The following TNFRSF10D variants were observed in gnomAD, a reference collection of about 807,000 sequenced individuals.
The protein encoded by TNFRSF10D is TNF receptor superfamily member 10d.
TNFRSF10D carries 28 observed loss-of-function variants against 42.1 expected under a neutral mutation model. The observed-to-expected ratio is 0.66, with a 90% CI of 0.49 to 0.91. TNFRSF10D has a LOEUF of 0.91. TNFRSF10D is among the 40% of genes least tolerant of loss of function. TNFRSF10D has a pLI of 0.00. For missense variants in TNFRSF10D, 503 were observed against 486.1 expected (o/e 1.03, Z -0.33); for synonymous variants, 186 against 189.4 (o/e 0.98, Z 0.15).
chr8:23,145,539 G>T, intron 5 of TNFRSF10D, 129 bp downstream of exon 5: 2 of 1,412,334 alleles, frequency 1.4e-6, no homozygotes, highest in East Asian at 2.4e-5. Flanking sequence ...GCGATCACAA[G>T]AAGGAAGACC....
At chr8:23,154,650 G>A (rs182856119) in intron 2 of TNFRSF10D, among the ~76,000 whole-genome samples, 1 of 152,062 alleles carries the variant, frequency 6.6e-6, no homozygotes, top group Non-Finnish European at 1.5e-5. Flanking sequence ...CAGGTGAGGA[G>A]GGCAAAGAGG....
intron 2 of TNFRSF10D, among the ~76,000 whole-genome samples, chr8:23,149,012 A>G (rs1800171626): frequency 6.6e-6 from 1 of 151,502 alleles, no homozygotes; most frequent in Non-Finnish European, 1.5e-5. Context: ...AACACAGTGA[A>G]ACCCCATCTC....
intron 1 of TNFRSF10D, among the ~76,000 whole-genome samples, chr8:23,157,116 A>G (rs1392188624): frequency 2.0e-5 from 3 of 152,130 alleles, no homozygotes; most frequent in East Asian, 1.9e-4. Flanking sequence ...ACTCATAGCT[A>G]TGCAATCATC....
chr8:23,162,053 T>TGG (rs869167182), intron 1 of TNFRSF10D, among the ~76,000 whole-genome samples: 2 of 106,194 alleles, frequency 1.9e-5, no homozygotes, highest in African/African-American at 7.1e-5. Flanking sequence ...CAACAGTGAA[T>TGG]TAACCTGTGG....
rs188176170 is a variant in TNFRSF10D at position 23,152,312 on chromosome 8, C to T, written c.256+2562G>A. 6.9e-3 allele frequency among the ~76,000 whole-genome samples: 1,043 copies of T among 152,150 alleles called. 1 individual carries two copies. Among genetic ancestry groups the T allele is most frequent in the African/African-American group, 0.021 (889 of 41,434 alleles). On this transcript the variant is annotated intron_variant, in intron 2 of 8. Coordinates refer to ENST00000312584, the MANE Select transcript of TNFRSF10D (RefSeq NM_003840.5). ...AGCTATCCAGTCCGAGGACACTAAC[C>T]GGTGTGTGGGGAGCAAGAGACAGAG... is the stretch of plus-strand genomic sequence containing the variant.
At chr8:23,154,239 GT>G (rs1800245319) in intron 2 of TNFRSF10D, among the ~76,000 whole-genome samples, 1 of 152,186 alleles carries the variant, frequency 6.6e-6, no homozygotes, top group East Asian at 1.9e-4. Context: ...AGAGATGCTG[GT>G]CAAAGGATAC....
intron 2 of TNFRSF10D, among the ~76,000 whole-genome samples, chr8:23,151,294 C>G (rs181152765): frequency 6.6e-6 from 1 of 152,034 alleles, no homozygotes; most frequent in Non-Finnish European, 1.5e-5. Flanking sequence ...GAATACTACA[C>G]CTGGCAAGCC....
chr8:23,140,027 C>T lies in TNFRSF10D; in HGVS notation c.955-1767G>A, dbSNP rs1489858926. ...GGGCGTAGCTGGGTACGGTGGCTCA[C>T]GCCTGTAATCTCAGCACTTTGGGAG... On this transcript the variant is annotated intron_variant, in intron 7 of 8. Coordinates refer to ENST00000312584, the MANE Select transcript of TNFRSF10D (RefSeq NM_003840.5). Among the ~76,000 whole-genome samples, 8 of 152,226 alleles carry T rather than the reference C, an allele frequency of 5.3e-5. No homozygotes were observed. The East Asian group carries it at 5.8e-4, about 11-fold the overall frequency.
At chr8:23,159,178 C>T (rs1364931803) in intron 1 of TNFRSF10D, among the ~76,000 whole-genome samples, 1 of 152,018 alleles carries the variant, frequency 6.6e-6, no homozygotes, top group Non-Finnish European at 1.5e-5. Context: ...GTTTCCCAGG[C>T]CGGTCTTGAA....
chr8:23,163,852 G>A lies in TNFRSF10D; in HGVS notation c.84C>T (p.Thr28=). 6.2e-7 allele frequency: 1 copy of A among 1,606,812 alleles called. No individual in the cohort carries two copies. Among genetic ancestry groups the A allele is most frequent in the Non-Finnish European group, 8.5e-7 (1 of 1,177,746 alleles). ...TCTTGGGGTCCAGGAGCCATGGTCT[G>A]GTTCCCGACGCTGTCCTGGCTCCTG... is the stretch of plus-strand genomic sequence containing the variant. ...RYPGARTASG[T]RPWLLDPKIL... Residue 28 remains threonine (T), a synonymous_variant, in exon 1 of 9, where the codon ACC becomes ACT. Transcript: ENST00000312584.
intron 1 of TNFRSF10D, among the ~76,000 whole-genome samples, chr8:23,156,827 A>G (rs1411299947): frequency 3.9e-5 from 6 of 152,148 alleles, no homozygotes; most frequent in Non-Finnish European, 4.4e-5. Flanking sequence ...TGAGCCTCCC[A>G]AAGTACTAGG....
intron 7 of TNFRSF10D, among the ~76,000 whole-genome samples, chr8:23,144,096 A>G (rs898788781): frequency 1.3e-5 from 2 of 152,216 alleles, no homozygotes; most frequent in Non-Finnish European, 2.9e-5. Context: ...TTTGAAGAAC[A>G]TTTAAAACTT....
chr8:23,145,815 C>G lies in TNFRSF10D; in HGVS notation c.589G>C (p.Glu197Gln). Residue 197 changes from glutamate to glutamine, a missense_variant, in exon 5 of 9, where the codon GAG (glutamate) becomes CAG (glutamine). Physicochemically the swap from Glu to Gln is conservative, Grantham distance 29. Coordinates refer to ENST00000312584, the MANE Select transcript of TNFRSF10D (RefSeq NM_003840.5). Reference sequence around the variant, plus strand: ...ATCCCCAGGATGGTGGTCACTGTCTCCTCCGCTGCTGGGGTTTTCCCAGTG... The same window carrying G: ...ATCCCCAGGATGGTGGTCACTGTCTGCTCCGCTGCTGGGGTTTTCCCAGTG... Reference protein sequence around the residue: ...SSTGKTPAAEETVTTILGMLA... With the variant: ...SSTGKTPAAEQTVTTILGMLA... The G allele has an allele frequency of 6.2e-7, 1 of 1,614,170 alleles. No individual in the cohort carries two copies. The highest frequency in any genetic ancestry group is 8.5e-7 in the Non-Finnish European group (1 of 1,180,012).
chr8:23,158,596 A>G (rs1176522126), intron 1 of TNFRSF10D, among the ~76,000 whole-genome samples: 4 of 152,212 alleles, frequency 2.6e-5, no homozygotes, highest in Admixed American at 6.5e-5. Context: ...CTATACGTTT[A>G]CCATTTAAAC....
rs183418881 is a variant in TNFRSF10D, at chr8:23,156,147, T to A, written c.151-1168A>T. ...TTCCTTGTTTGTAGAAAGTACACAC[T>A]GAAAAATTCAATAATAGCTTTCATC... is the stretch of plus-strand genomic sequence containing the variant. On this transcript the variant is annotated intron_variant, in intron 1 of 8. Transcript: ENST00000312584. 2.3e-3 allele frequency among the ~76,000 whole-genome samples: 346 copies of A among 152,344 alleles called. 2 individuals are homozygous for A. Among genetic ancestry groups the A allele is most frequent in the African/African-American group, 7.9e-3 (327 of 41,576 alleles).
At chr8:23,156,932 T>C (rs1800289268) in intron 1 of TNFRSF10D, among the ~76,000 whole-genome samples, 1 of 152,258 alleles carries the variant, frequency 6.6e-6, no homozygotes, top group South Asian at 2.1e-4. Flanking sequence ...CTTGTTACTT[T>C]GGTTTAAATT....
At chr8:23,149,735 C>T (rs183110341) in intron 2 of TNFRSF10D, among the ~76,000 whole-genome samples, 846 of 151,916 alleles carry the variant, frequency 5.6e-3, no homozygotes, top group African/African-American at 0.017. Flanking sequence ...TCAGGAGCAC[C>T]ATTTCTGGCT....
chr8:23,137,682 A>G lies in TNFRSF10D; in HGVS notation c.*188T>C, dbSNP rs1814358264. ...TAAATTTCTCCCGTTTGCTTATCAC[A>G]CGCAGTATTTCATAAAAATTACTCC... On this transcript the variant is annotated 3_prime_UTR_variant, in exon 9 of 9. Coordinates refer to ENST00000312584, the MANE Select transcript of TNFRSF10D (RefSeq NM_003840.5). The G allele has an allele frequency of 1.6e-6, 1 of 638,140 alleles. No individual in the cohort carries two copies. Among genetic ancestry groups the G allele is most frequent in the Non-Finnish European group, 2.5e-6 (1 of 392,934 alleles). The allele number at this position is 638,140 out of a possible 1,614,324, so 39.5% of individuals were successfully genotyped here. A position where few individuals can be genotyped will look rare whatever the true frequency, so the allele number is the denominator to read the frequency against.
At chr8:23,147,809 G>T (rs1232112746) in intron 3 of TNFRSF10D, among the ~76,000 whole-genome samples, 4 of 151,902 alleles carry the variant, frequency 2.6e-5, no homozygotes, top group African/African-American at 9.7e-5. Context: ...ATGCCTGTAA[G>T]CCCAGTACTT....
Sources: allele counts gnomAD v4.1 joint callset (sites outside exome capture counted in the v4.1 genomes callset), GRCh38; gene constraint gnomAD v4.1.1; transcripts MANE v1.5; gene names NCBI Gene and HGNC (gene_info 2026-07-23, HGNC 2026-07-21).